DAB1: variants seen among roughly 807,000 people sequenced by gnomAD.
DAB1 encodes the protein disabled homolog 1.
A neutral mutation model predicts 64.6 loss-of-function variants in DAB1; 15 were observed. The observed-to-expected ratio is 0.23, with a 90% CI of 0.16 to 0.36. The LOEUF is 0.36. Ranked by LOEUF, DAB1 falls within the 10% of genes least tolerant of loss-of-function variation. The pLI, the probability that DAB1 is intolerant of heterozygous loss-of-function variation, is 1.00. For missense variants in DAB1, 596 were observed against 706.7 expected, an observed-to-expected ratio of 0.84 and a Z score of 1.78; for synonymous variants, 235 against 251.9, an observed-to-expected ratio of 0.93 and a Z score of 0.64.
chr1:57,759,307 T>G (rs376526471), intron 6 of DAB1, among the ~76,000 whole-genome samples: 41 of 152,346 alleles, frequency 2.7e-4, no homozygotes, highest in African/African-American at 9.6e-4. Flanking sequence ...TTAAATATAC[T>G]GTGCCTCAGT....
At chr1:58,244,334 T>C (rs1248586853) in intron 4 of DAB1, among the ~76,000 whole-genome samples, 1 of 152,172 alleles carries the variant, frequency 6.6e-6, no homozygotes, top group African/African-American at 2.4e-5. Flanking sequence ...CCCAGAATCT[T>C]ATATAACCAA....
At chr1:58,373,235 A>G (rs1644285729) in intron 3 of DAB1, among the ~76,000 whole-genome samples, 1 of 148,346 alleles carries the variant, frequency 6.7e-6, no homozygotes, top group African/African-American at 2.5e-5. Context: ...GGTCAGTTAC[A>G]TATGTATACA....
intron 7 of DAB1, among the ~76,000 whole-genome samples, chr1:57,455,013 T>C (rs996509839): frequency 6.6e-6 from 1 of 151,990 alleles, no homozygotes; most frequent in East Asian, 1.9e-4. Flanking sequence ...CTTTGTCTAA[T>C]AGGGAGAGGA....
intron 2 of DAB1, among the ~76,000 whole-genome samples, chr1:57,279,096 TG>T (rs1158866803): frequency 6.6e-6 from 1 of 152,242 alleles, no homozygotes. Context: ...CGAAATTTCC[TG>T]GTCTTCACTT....
intron 1 of DAB1, among the ~76,000 whole-genome samples, chr1:57,407,012 A>G (rs1683694946): frequency 6.6e-6 from 1 of 152,242 alleles, no homozygotes; most frequent in African/African-American, 2.4e-5. Context: ...TCTGTAAGTT[A>G]TGGATTAATA....
chr1:57,162,935 G>T lies in DAB1; in HGVS notation c.68-17506C>A, dbSNP rs562922242. On this transcript the variant is annotated intron_variant, in intron 2 of 14. Transcript: ENST00000371236. Reference sequence around the variant, plus strand: ...GTGATAGAGGGTTTAAGTAGAATGTGCTGGAAGAGACAGTGACTAAGTGTC... The same window carrying T: ...GTGATAGAGGGTTTAAGTAGAATGTTCTGGAAGAGACAGTGACTAAGTGTC... Among the ~76,000 whole-genome samples, 8 of 152,352 alleles carry T rather than the reference G, an allele frequency of 5.3e-5. No individual in the cohort carries two copies. In the East Asian group the frequency reaches 1.5e-3, roughly 29 times the overall value.
chr1:57,091,762 T>C (rs1268219317), intron 4 of DAB1, among the ~76,000 whole-genome samples: 2 of 152,242 alleles, frequency 1.3e-5, no homozygotes, highest in African/African-American at 4.8e-5. Flanking sequence ...ACCAACATTA[T>C]GGTGTTGTGA....
chr1:57,907,097 G>A (rs1644564552), intron 5 of DAB1, among the ~76,000 whole-genome samples: 1 of 152,104 alleles, frequency 6.6e-6, no homozygotes, highest in South Asian at 2.1e-4. Flanking sequence ...TACGTCACAT[G>A]CCAATTAAGC....
At chr1:58,413,666 A>C (rs1052572021) in intron 3 of DAB1, among the ~76,000 whole-genome samples, 15 of 152,232 alleles carry the variant, frequency 9.9e-5, no homozygotes, top group African/African-American at 3.4e-4. Flanking sequence ...TAATGGAAGA[A>C]AATGTAATTA....
chr1:58,246,487 T>C (rs1233591830), intron 4 of DAB1, among the ~76,000 whole-genome samples: 2 of 152,202 alleles, frequency 1.3e-5, no homozygotes, highest in Non-Finnish European at 2.9e-5. Context: ...ATAGAACACA[T>C]TCTCCAAACA....
chr1:57,145,924 C>G (rs138318566), intron 2 of DAB1, among the ~76,000 whole-genome samples: 1 of 152,188 alleles, frequency 6.6e-6, no homozygotes, highest in African/African-American at 2.4e-5. Flanking sequence ...CAGTGAAACT[C>G]CAGAGTAATT....
At chr1:57,592,386 G>A (rs536887895) in intron 7 of DAB1, among the ~76,000 whole-genome samples, 1 of 152,092 alleles carries the variant, frequency 6.6e-6, no homozygotes, top group African/African-American at 2.4e-5. Flanking sequence ...AGCCCAGCCA[G>A]TCAGGTGACT....
chr1:58,541,624 A>AC (rs1646619279), intron 1 of DAB1: 1 of 97,256 alleles, frequency 1.0e-5, no homozygotes, highest in African/African-American at 4.2e-5. Flanking sequence ...CAAAAAAAAA[A>AC]AAAAAAAAAA....
chr1:57,927,033 T>C (rs966659604), intron 5 of DAB1, among the ~76,000 whole-genome samples: 1 of 152,202 alleles, frequency 6.6e-6, no homozygotes, highest in South Asian at 2.1e-4. Flanking sequence ...CCACCTCTGC[T>C]ACTCCCTAGT....
At chr1:57,803,435 G>A (rs1051065006) in intron 6 of DAB1, among the ~76,000 whole-genome samples, 4 of 152,216 alleles carry the variant, frequency 2.6e-5, no homozygotes, top group African/African-American at 9.7e-5. Context: ...CCTACCATTG[G>A]GGAACCCATA....
intron 7 of DAB1, among the ~76,000 whole-genome samples, chr1:57,510,072 C>G (rs1644389512): frequency 6.6e-6 from 1 of 152,148 alleles, no homozygotes; most frequent in Non-Finnish European, 1.5e-5. Flanking sequence ...CTTCATAATT[C>G]ACAAATGACA....
At chr1:57,219,294 C>CAT (rs1318350551) in intron 2 of DAB1, among the ~76,000 whole-genome samples, 4 of 150,774 alleles carry the variant, frequency 2.7e-5, no homozygotes, top group Non-Finnish European at 5.9e-5. Flanking sequence ...CACACACACA[C>CAT]ATAAACACTC....
At chr1:57,179,673 C>G (rs921837767) in intron 2 of DAB1, among the ~76,000 whole-genome samples, 3 of 152,142 alleles carry the variant, frequency 2.0e-5, no homozygotes, top group African/African-American at 7.2e-5. Flanking sequence ...ACCTAGAATG[C>G]TCCATCCTAC....
At chr1:57,089,551 G>C (rs1412512271) in intron 4 of DAB1, among the ~76,000 whole-genome samples, 1 of 151,974 alleles carries the variant, frequency 6.6e-6, no homozygotes, top group Admixed American at 6.6e-5. Flanking sequence ...GCCAGAGCAG[G>C]GGCATGAGAG....
Sources: gnomAD v4.1 joint callset for allele counts (sites outside exome capture counted in the v4.1 genomes callset) on GRCh38, gnomAD v4.1.1 for gene constraint, MANE v1.5 for transcripts, NCBI Gene and HGNC (gene_info 2026-07-23, HGNC 2026-07-21) for gene names.